The following XPO1 variants were observed in gnomAD, a reference collection of about 807,000 sequenced individuals.
XPO1 encodes exportin-1.
In XPO1, 5 loss-of-function variants were observed where a neutral mutation model predicts 133.3. That is an observed-to-expected ratio of 0.04 (90% CI 0.02 to 0.08). XPO1 has a LOEUF of 0.08. Ranked by LOEUF, XPO1 falls within the 10% of genes least tolerant of loss-of-function variation. The pLI, the probability that XPO1 is intolerant of heterozygous loss-of-function variation, is 1.00. For missense variants in XPO1, 506 were observed against 1,267.5 expected, an observed-to-expected ratio of 0.40 and a Z score of 9.12; for synonymous variants, 419 against 408.2, an observed-to-expected ratio of 1.03 and a Z score of -0.32.
intron 4 of XPO1, among the ~76,000 whole-genome samples, chr2:61,506,147 C>T (rs574791307): frequency 3.9e-5 from 6 of 152,186 alleles, no homozygotes; most frequent in South Asian, 2.1e-4. Flanking sequence ...TCCAGCCGGA[C>T]GGATGGCTCA....
chr2:61,506,301 T>C (rs1013084888), intron 4 of XPO1, among the ~76,000 whole-genome samples: 6 of 152,128 alleles, frequency 3.9e-5, no homozygotes, highest in African/African-American at 1.4e-4. Context: ...CACGCGCCTA[T>C]AATCCCAGCT....
intron 2 of XPO1, among the ~76,000 whole-genome samples, chr2:61,531,890 C>A (rs1699169531): frequency 6.6e-6 from 1 of 152,158 alleles, no homozygotes; most frequent in South Asian, 2.1e-4. Flanking sequence ...AAGTATAAAC[C>A]TGGGCTAACA....
intron 23 of XPO1, among the ~76,000 whole-genome samples, 168 bp downstream of exon 23, chr2:61,482,209 GACT>G (rs1048629184): frequency 2.1e-4 from 5 of 23,612 alleles, no homozygotes; most frequent in African/African-American, 2.7e-4. Context: ...TACCACTTCT[GACT>G]ACTTTTTTTT....
chr2:61,505,979 T>TG (rs993503327), intron 4 of XPO1, among the ~76,000 whole-genome samples: 4 of 152,326 alleles, frequency 2.6e-5, no homozygotes, highest in African/African-American at 9.6e-5. Context: ...TTATTATCAA[T>TG]AAAACCCCCA....
At chr2:61,498,251 C>A (rs532809009) in intron 9 of XPO1, among the ~76,000 whole-genome samples, 2 of 152,182 alleles carry the variant, frequency 1.3e-5, no homozygotes, top group Admixed American at 1.3e-4. Context: ...TACACCACCA[C>A]GCCTGGCTGT....
chr2:61,533,122 T>C (rs1408458925), intron 2 of XPO1, among the ~76,000 whole-genome samples: 4 of 152,126 alleles, frequency 2.6e-5, no homozygotes, highest in African/African-American at 4.8e-5. Flanking sequence ...GGGGTTGCAG[T>C]GAGCTGAGAT....
At chr2:61,488,844 G>GT (rs1696819241) in intron 17 of XPO1, 73 bp from the exon 18 acceptor site, 22 of 1,522,146 alleles carry the variant, frequency 1.4e-5, no homozygotes, top group Non-Finnish European at 1.9e-5. Context: ...GCTCACGCCT[G>GT]TAATCCCAGC....
chr2:61,491,432 C>T (rs1222804778), intron 16 of XPO1, among the ~76,000 whole-genome samples: 2 of 149,866 alleles, frequency 1.3e-5, no homozygotes, highest in Non-Finnish European at 3.0e-5. Context: ...GCATGGACGA[C>T]AGAGTGAAAC....
intron 6 of XPO1, among the ~76,000 whole-genome samples, chr2:61,501,264 A>C (rs1697502872): frequency 6.6e-6 from 1 of 152,140 alleles, no homozygotes; most frequent in Non-Finnish European, 1.5e-5. Flanking sequence ...TCTGGAAAAA[A>C]TTTTATGATA....
chr2:61,495,643 G>C lies in XPO1; in HGVS notation c.889-30C>G, dbSNP rs377612750. ...AAATTTTAAAAGGGACGATCAGTTC[G>C]CATTTTATAAAACAACTAAAGACAC... On this transcript the variant is annotated intron_variant, in intron 10 of 24. Coordinates refer to ENST00000401558, the MANE Select transcript of XPO1 (RefSeq NM_003400.4). The C allele has an allele frequency of 7.9e-6, 12 of 1,521,196 alleles. No individual in the cohort carries two copies. The East Asian group carries it at 2.8e-4, about 35-fold the overall frequency. 94.2% of individuals were successfully genotyped at this position (1,521,196 alleles called of 1,614,324 possible).
At chr2:61,525,345 A>C in intron 3 of XPO1, 1 of 988,192 alleles carries the variant, frequency 1.0e-6, no homozygotes, top group Non-Finnish European at 1.2e-6. Flanking sequence ...TATTACAAGC[A>C]ATCAACATAA....
At chr2:61,487,531 T>TAA (rs943815957) in intron 19 of XPO1, among the ~76,000 whole-genome samples, 1 of 143,506 alleles carries the variant, frequency 7.0e-6, no homozygotes. Context: ...AGCACACTTG[T>TAA]AAAAAAAAAA....
chr2:61,502,965 C>CTTTTTTTT (rs201077547), intron 4 of XPO1, among the ~76,000 whole-genome samples: 32 of 138,340 alleles, frequency 2.3e-4, no homozygotes, highest in African/African-American at 8.1e-4. Context: ...TGTTTCTTTT[C>CTTTTTTTT]TTTTTTTTTT....
At chr2:61,486,997 T>C (rs1305546246) in intron 19 of XPO1, among the ~76,000 whole-genome samples, 1 of 151,878 alleles carries the variant, frequency 6.6e-6, no homozygotes, top group Non-Finnish European at 1.5e-5. Context: ...TTTTTTTTTT[T>C]TTGAGACGAA....
rs1696159962 is a variant in XPO1 at position 61,478,316 on chromosome 2, C to T, written c.*504G>A. On this transcript the variant is annotated 3_prime_UTR_variant, in exon 25 of 25. Transcript: ENST00000401558. ...ATCTTGCCAAAGAGACTTTGTAATA[C>T]ATGTAGTCTAGACAAACGATTCAGT... 1.3e-5 allele frequency: 3 copies of T among 234,020 alleles called. No homozygotes were observed. The highest frequency in any genetic ancestry group is 2.5e-5 in the Non-Finnish European group (3 of 118,246). 14.5% of individuals were successfully genotyped at this position (234,020 alleles called of 1,614,324 possible).
At chr2:61,532,256 T>G (rs569917777) in intron 2 of XPO1, among the ~76,000 whole-genome samples, 19 of 151,936 alleles carry the variant, frequency 1.3e-4, no homozygotes, top group Admixed American at 4.6e-4. Context: ...GCCTCCCGAG[T>G]AGCTGGGACT....
intron 19 of XPO1, among the ~76,000 whole-genome samples, chr2:61,487,865 G>C (rs1355286932): frequency 6.6e-6 from 1 of 152,140 alleles, no homozygotes; most frequent in Admixed American, 6.6e-5. Context: ...TGCAAAAACT[G>C]CACCGGTACT....
chr2:61,506,572 C>G (rs1285592655), intron 4 of XPO1, among the ~76,000 whole-genome samples: 2 of 123,454 alleles, frequency 1.6e-5, no homozygotes, highest in South Asian at 2.5e-4. Flanking sequence ...GCACTCCAGT[C>G]TGGGCGACAG....
intron 4 of XPO1, among the ~76,000 whole-genome samples, chr2:61,519,906 G>T (rs963133124): frequency 6.6e-6 from 1 of 151,946 alleles, no homozygotes; most frequent in African/African-American, 2.4e-5. Context: ...CTAAAGGGCC[G>T]GACTTAGACA....
Sources: gnomAD v4.1 joint callset for allele counts (sites outside exome capture counted in the v4.1 genomes callset) on GRCh38, gnomAD v4.1.1 for gene constraint, MANE v1.5 for transcripts, NCBI Gene and HGNC (gene_info 2026-07-23, HGNC 2026-07-21) for gene names.